The following ATP2B2 variants were observed in gnomAD, a reference collection of about 807,000 sequenced individuals.
ATP2B2 encodes the protein ATPase plasma membrane Ca2+ transporting 2, also known as plasma membrane calcium-transporting ATPase 2.
A neutral mutation model predicts 120.0 loss-of-function variants in ATP2B2; 15 were observed. The observed-to-expected ratio is 0.12, with a 90% CI of 0.08 to 0.19. The LOEUF is 0.19. Ranked by LOEUF, ATP2B2 falls within the 10% of genes least tolerant of loss-of-function variation. The probability of loss-of-function intolerance (pLI) is 1.00; values close to 1 mark genes in which losing one functional copy is unlikely to be tolerated. For synonymous variants in ATP2B2, 694 were observed against 700.3 expected (o/e 0.99, Z 0.14); for missense variants, 1,045 against 1,719.8 (o/e 0.61, Z 6.94).
chr3:10,541,434 C>A (rs761138176), intron 2 of ATP2B2, among the ~76,000 whole-genome samples: 2 of 152,124 alleles, frequency 1.3e-5, no homozygotes, highest in Non-Finnish European at 2.9e-5. Context: ...AATGCTTTAG[C>A]TGGTTCCACA....
chr3:10,616,597 A>C (rs1384399435), intron 2 of ATP2B2, among the ~76,000 whole-genome samples: 1 of 152,192 alleles, frequency 6.6e-6, no homozygotes, highest in Non-Finnish European at 1.5e-5. Context: ...GCTTTGAATA[A>C]AAAAATTTGT....
At chr3:10,467,799 C>T (rs17032935) in intron 1 of ATP2B2, among the ~76,000 whole-genome samples, 48,152 of 152,014 alleles carry the variant, frequency 0.32, 8,210 homozygotes, top group African/African-American at 0.35. Flanking sequence ...CAGCGGCAGT[C>T]ACAGAGATGA....
At chr3:10,448,261 G>A (rs2063908515) in intron 2 of ATP2B2, among the ~76,000 whole-genome samples, 1 of 152,228 alleles carries the variant, frequency 6.6e-6, no homozygotes, top group Non-Finnish European at 1.5e-5. Flanking sequence ...GCCACTTTGA[G>A]CACCTACTGT....
intron 2 of ATP2B2, among the ~76,000 whole-genome samples, chr3:10,564,130 C>T (rs976234422): frequency 1.3e-5 from 2 of 152,190 alleles, no homozygotes; most frequent in African/African-American, 4.8e-5. Flanking sequence ...CTTAGAATCT[C>T]GATCTTGTCA....
intron 5 of ATP2B2, among the ~76,000 whole-genome samples, chr3:10,394,802 G>A (rs1458852316): frequency 6.6e-6 from 1 of 152,016 alleles, no homozygotes. Flanking sequence ...TCTCGCGGGG[G>A]TTGAGCCATC....
At chr3:10,447,493 C>T (rs904033530) in intron 2 of ATP2B2, among the ~76,000 whole-genome samples, 6 of 152,200 alleles carry the variant, frequency 3.9e-5, no homozygotes, top group South Asian at 2.1e-4. Flanking sequence ...ACACCTGTTG[C>T]GTGTGGTTGG....
intron 2 of ATP2B2, among the ~76,000 whole-genome samples, chr3:10,615,006 T>C (rs2069345363): frequency 6.6e-6 from 1 of 152,190 alleles, no homozygotes; most frequent in Non-Finnish European, 1.5e-5. Flanking sequence ...TGCACGGTCC[T>C]GGATTCTACC....
intron 2 of ATP2B2, among the ~76,000 whole-genome samples, chr3:10,446,310 C>T (rs753216261): frequency 3.9e-5 from 6 of 152,162 alleles, no homozygotes; most frequent in Non-Finnish European, 7.4e-5. Context: ...TTGAGCACTT[C>T]GATGCTGGGC....
intron 2 of ATP2B2, among the ~76,000 whole-genome samples, chr3:10,586,110 A>G (rs938575903): frequency 3.3e-5 from 5 of 152,256 alleles, no homozygotes; most frequent in South Asian, 4.1e-4. Context: ...TTTAGAGGAG[A>G]TAAATAGTGG....
At chr3:10,637,967 C>A (rs2070069192) in intron 1 of ATP2B2, among the ~76,000 whole-genome samples, 3 of 151,598 alleles carry the variant, frequency 2.0e-5, no homozygotes, top group Admixed American at 2.0e-4. Flanking sequence ...AGAAGCAATG[C>A]AAGTGAGAAG....
intron 2 of ATP2B2, among the ~76,000 whole-genome samples, chr3:10,607,949 T>C (rs1439045709): frequency 6.6e-6 from 1 of 152,108 alleles, no homozygotes; most frequent in Admixed American, 6.6e-5. Flanking sequence ...CCCTCTCTCT[T>C]CCACCTGCTC....
chr3:10,415,630 C>T (rs34914), intron 2 of ATP2B2, among the ~76,000 whole-genome samples: 95,552 of 152,066 alleles, frequency 0.63, 30,792 homozygotes, highest in African/African-American at 0.75. Context: ...TTGTGGTCTC[C>T]TTTCCTTTCT....
At chr3:10,577,639 G>C (rs564071883) in intron 2 of ATP2B2, among the ~76,000 whole-genome samples, 1 of 152,200 alleles carries the variant, frequency 6.6e-6, no homozygotes, top group Non-Finnish European at 1.5e-5. Context: ...CTGGGAGGGG[G>C]ACTCAGAGAA....
chr3:10,359,029 T>A, intron 13 of ATP2B2, 104 bp from the exon 14 acceptor site: 1 of 1,109,610 alleles, frequency 9.0e-7, no homozygotes, highest in Non-Finnish European at 1.3e-6. Flanking sequence ...CTGTGGCTGG[T>A]CATCCAGTGC....
intron 1 of ATP2B2, among the ~76,000 whole-genome samples, chr3:10,481,325 T>G (rs2065402640): frequency 6.6e-6 from 1 of 152,024 alleles, no homozygotes; most frequent in South Asian, 2.1e-4. Flanking sequence ...TCTTTTTCTG[T>G]TTCTGCGGCA....
intron 1 of ATP2B2, among the ~76,000 whole-genome samples, chr3:10,662,026 C>T (rs1432165636): frequency 2.0e-5 from 3 of 152,116 alleles, no homozygotes; most frequent in Non-Finnish European, 2.9e-5. Flanking sequence ...ATAAATGGTG[C>T]CGGGAAAACT....
chr3:10,358,562 A>T, intron 14 of ATP2B2, 129 bp downstream of exon 14: 1 of 918,830 alleles, frequency 1.1e-6, no homozygotes, highest in East Asian at 2.6e-5. Context: ...GGATCAAGGA[A>T]GGAAATCCCC....
chr3:10,642,138 G>T (rs1366792161), intron 1 of ATP2B2, among the ~76,000 whole-genome samples: 1 of 152,222 alleles, frequency 6.6e-6, no homozygotes, highest in African/African-American at 2.4e-5. Context: ...CTGCTTAGGA[G>T]TGAATCTGGC....
At chr3:10,666,569 C>A (rs1013508504) in intron 1 of ATP2B2, among the ~76,000 whole-genome samples, 1 of 152,234 alleles carries the variant, frequency 6.6e-6, no homozygotes, top group Non-Finnish European at 1.5e-5. Context: ...GCAAGTCCTG[C>A]GGCCTCTTGT....
Sources: allele counts gnomAD v4.1 joint callset (sites outside exome capture counted in the v4.1 genomes callset), GRCh38; gene constraint gnomAD v4.1.1; transcripts MANE v1.5; gene names NCBI Gene and HGNC (gene_info 2026-07-23, HGNC 2026-07-21).